LAMA2: variants seen among roughly 807,000 people sequenced by gnomAD.
LAMA2 encodes laminin subunit alpha-2.
In LAMA2, 269 loss-of-function variants were observed where a neutral mutation model predicts 364.8. That is an observed-to-expected ratio of 0.74 (90% CI 0.67 to 0.82). The LOEUF (loss-of-function observed/expected upper bound fraction) is 0.82. Ranked by LOEUF, LAMA2 falls within the 40% of genes least tolerant of loss-of-function variation. The probability of loss-of-function intolerance (pLI) is 0.00; values close to 1 mark genes in which losing one functional copy is unlikely to be tolerated. For synonymous variants in LAMA2, 1,379 were observed against 1,370.6 expected (o/e 1.01, Z -0.14); for missense variants, 3,807 against 3,873.2 (o/e 0.98, Z 0.45).
chr6:128,950,372 C>G (rs1485756434), intron 1 of LAMA2, among the ~76,000 whole-genome samples: 1 of 152,080 alleles, frequency 6.6e-6, no homozygotes, highest in Non-Finnish European at 1.5e-5. Flanking sequence ...ATTTCAGAAG[C>G]AACATACCAA....
At chr6:129,093,796 A>G (rs895138146) in intron 3 of LAMA2, among the ~76,000 whole-genome samples, 3 of 152,168 alleles carry the variant, frequency 2.0e-5, no homozygotes, top group Admixed American at 2.0e-4. Context: ...ATTGTTTTTA[A>G]AGTTATTTGG....
intron 40 of LAMA2, among the ~76,000 whole-genome samples, chr6:129,411,894 G>A (rs1780557944): frequency 6.6e-6 from 1 of 152,244 alleles, no homozygotes; most frequent in African/African-American, 2.4e-5. Context: ...TATTAAATAT[G>A]TGGAATTAAA....
At chr6:129,438,893 C>T (rs2114761506) in intron 42 of LAMA2, 131 bp downstream of exon 42, 1 of 682,246 alleles carries the variant, frequency 1.5e-6, no homozygotes, top group Non-Finnish European at 2.7e-6. Flanking sequence ...TTTTCTTACT[C>T]ATGAATTCTT....
At chr6:128,917,886 A>T (rs1391849697) in intron 1 of LAMA2, among the ~76,000 whole-genome samples, 1 of 150,656 alleles carries the variant, frequency 6.6e-6, no homozygotes, top group Non-Finnish European at 1.5e-5. Context: ...GGCTCTTGCC[A>T]CCCCACCTGG....
chr6:129,322,399 C>T (rs1401034107), intron 28 of LAMA2, among the ~76,000 whole-genome samples: 1 of 152,118 alleles, frequency 6.6e-6, no homozygotes, highest in Non-Finnish European at 1.5e-5. Context: ...TTCCAGTGAG[C>T]ATTGAAGATT....
At chr6:129,349,058 A>G (rs1776715657) in intron 30 of LAMA2, among the ~76,000 whole-genome samples, 1 of 152,184 alleles carries the variant, frequency 6.6e-6, no homozygotes, top group Non-Finnish European at 1.5e-5. Context: ...GAATATTAAC[A>G]TGCTTTGTGT....
chr6:129,478,089 C>G (rs879479723), intron 53 of LAMA2, among the ~76,000 whole-genome samples: 5 of 152,160 alleles, frequency 3.3e-5, no homozygotes, highest in African/African-American at 1.2e-4. Flanking sequence ...CCACTACACT[C>G]GGCCAGTAAA....
intron 28 of LAMA2, among the ~76,000 whole-genome samples, chr6:129,325,829 G>A (rs1388383697): frequency 6.6e-6 from 1 of 151,968 alleles, no homozygotes; most frequent in Non-Finnish European, 1.5e-5. Flanking sequence ...GGAGTGGTAT[G>A]CACTTTTTAT....
intron 12 of LAMA2, among the ~76,000 whole-genome samples, chr6:129,219,016 G>C (rs1005575617): frequency 2.0e-5 from 3 of 152,022 alleles, no homozygotes; most frequent in African/African-American, 7.2e-5. Flanking sequence ...CAATTTGCTG[G>C]TTTGTATAAG....
At chr6:129,413,803 T>A (rs1780654164) in intron 40 of LAMA2, among the ~76,000 whole-genome samples, 1 of 152,078 alleles carries the variant, frequency 6.6e-6, no homozygotes, top group South Asian at 2.1e-4. Flanking sequence ...AATGCAGATA[T>A]TAGGCAAGGG....
chr6:129,258,396 G>C (rs1294677462), intron 14 of LAMA2, among the ~76,000 whole-genome samples: 1 of 152,038 alleles, frequency 6.6e-6, no homozygotes, highest in Non-Finnish European at 1.5e-5. Flanking sequence ...TGTACATGCA[G>C]TGAACATTAG....
intron 1 of LAMA2, among the ~76,000 whole-genome samples, chr6:129,040,379 G>A (rs1350383949): frequency 3.9e-5 from 6 of 152,156 alleles, no homozygotes; most frequent in African/African-American, 7.2e-5. Flanking sequence ...TCAACAGTTT[G>A]GGAGGTTGAG....
chr6:129,358,793 C>CTTTG (rs1777299688), intron 32 of LAMA2, among the ~76,000 whole-genome samples: 1 of 151,788 alleles, frequency 6.6e-6, no homozygotes, highest in South Asian at 2.1e-4. Context: ...ATTTTTTTCC[C>CTTTG]CAAAGACCTG....
chr6:128,934,505 T>C (rs886825018), intron 1 of LAMA2, among the ~76,000 whole-genome samples: 22 of 150,292 alleles, frequency 1.5e-4, no homozygotes, highest in Non-Finnish European at 2.5e-4. Flanking sequence ...TCTTTTTTTC[T>C]TTCTTTTTTT....
chr6:129,272,947 TACC>T (rs1287421974), intron 17 of LAMA2, among the ~76,000 whole-genome samples: 4 of 152,092 alleles, frequency 2.6e-5, no homozygotes, highest in Non-Finnish European at 5.9e-5. Context: ...ACAAAAGAAG[TACC>T]TGGTGCCAAA....
Position 129,157,384 on chromosome 6 carries a change from A to G in LAMA2, c.1206+2701A>G. 1.3e-5 allele frequency: 13 copies of G among 983,330 alleles called. No homozygotes were observed. In the South Asian group the frequency reaches 2.0e-4, roughly 15 times the overall value. 60.9% of individuals were successfully genotyped at this position (983,330 alleles called of 1,614,324 possible). On this transcript the variant is annotated intron_variant, in intron 8 of 64. Transcript: ENST00000421865. ...TCCTAATAAGAGTACTGAAAGGTTT[A>G]ATATTAGCAGCCTGTGAACACGTAG...
chr6:129,405,458 A>C (rs1192874510), intron 40 of LAMA2, among the ~76,000 whole-genome samples: 1 of 152,144 alleles, frequency 6.6e-6, no homozygotes, highest in Non-Finnish European at 1.5e-5. Context: ...ATGCTTATAC[A>C]TGGTAGGCTA....
chr6:129,233,104 C>T (rs796582344), intron 12 of LAMA2, among the ~76,000 whole-genome samples: 6 of 152,200 alleles, frequency 3.9e-5, no homozygotes, highest in African/African-American at 1.4e-4. Context: ...TGTATCCATG[C>T]CGACACCATC....
intron 1 of LAMA2, among the ~76,000 whole-genome samples, chr6:129,037,406 T>C (rs1163828322): frequency 1.3e-5 from 2 of 152,176 alleles, no homozygotes; most frequent in Non-Finnish European, 2.9e-5. Context: ...TTAAAATGAA[T>C]ATATTGAAGT....
Sources: allele counts gnomAD v4.1 joint callset (sites outside exome capture counted in the v4.1 genomes callset), GRCh38; gene constraint gnomAD v4.1.1; transcripts MANE v1.5; gene names NCBI Gene and HGNC (gene_info 2026-07-23, HGNC 2026-07-21).